Variants in APLF observed in about 807,000 individuals in gnomAD.
The protein encoded by APLF is aprataxin and PNK-like factor.
A neutral mutation model predicts 55.6 loss-of-function variants in APLF; 61 were observed. That is an observed-to-expected ratio of 1.10 (90% CI 0.89 to 1.36). The LOEUF is 1.36. Ranked by LOEUF, APLF falls within the 40% of genes most tolerant of loss-of-function variation. The pLI is 0.00. For missense variants in APLF, 611 were observed against 602.5 expected, an observed-to-expected ratio of 1.01 and a Z score of -0.15; for synonymous variants, 207 against 214.8, an observed-to-expected ratio of 0.96 and a Z score of 0.32.
rs773658306 is a variant in APLF at position 68,467,916 on chromosome 2, C to G, written c.96+89C>G. On this transcript the variant is annotated intron_variant, in intron 1 of 9. Transcript: ENST00000303795. ...ACCGGCCCTAGTCCTGGCCGGTTTCCCCACCGCACTGGTCCGCCGGTCCGG... is the reference window on the plus strand; with the variant it reads ...ACCGGCCCTAGTCCTGGCCGGTTTCGCCACCGCACTGGTCCGCCGGTCCGG... 1.7e-4 allele frequency: 174 copies of G among 1,012,168 alleles called. 1 individual carries two copies. The highest frequency in any genetic ancestry group is 1.9e-4 in the Non-Finnish European group (147 of 788,192). 62.7% of individuals were successfully genotyped at this position (1,012,168 alleles called of 1,614,324 possible). A position where few individuals can be genotyped will look rare whatever the true frequency, so the allele number is the denominator to read the frequency against.
chr2:68,546,001 G>C (rs1351024690), intron 8 of APLF, among the ~76,000 whole-genome samples: 1 of 152,102 alleles, frequency 6.6e-6, no homozygotes, highest in Non-Finnish European at 1.5e-5. Flanking sequence ...ATCTTTCTTA[G>C]ATAATTTTAA....
chr2:68,508,809 G>A (rs1326139050), intron 3 of APLF, among the ~76,000 whole-genome samples: 2 of 152,066 alleles, frequency 1.3e-5, no homozygotes, highest in African/African-American at 2.4e-5. Context: ...CACTCTACCT[G>A]ACTTCAAACT....
chr2:68,570,042 T>C (rs6721129), intron 9 of APLF, among the ~76,000 whole-genome samples: 16,959 of 152,040 alleles, frequency 0.11, 1,828 homozygotes, highest in African/African-American at 0.28. Flanking sequence ...CTCTTTAATT[T>C]CTGATTTGTA....
At chr2:68,500,331 G>A (rs1203905934) in intron 2 of APLF, among the ~76,000 whole-genome samples, 1 of 152,134 alleles carries the variant, frequency 6.6e-6, no homozygotes, top group Non-Finnish European at 1.5e-5. Context: ...ATACTCATGG[G>A]TTCACTTTCT....
chr2:68,543,212 A>G (rs1452172131), intron 7 of APLF, among the ~76,000 whole-genome samples: 1 of 152,174 alleles, frequency 6.6e-6, no homozygotes, highest in Non-Finnish European at 1.5e-5. Context: ...TTTAATGGGT[A>G]TAGAGTTTTC....
chr2:68,557,494 A>G (rs1671049030), intron 8 of APLF, among the ~76,000 whole-genome samples: 1 of 152,246 alleles, frequency 6.6e-6, no homozygotes, highest in African/African-American at 2.4e-5. Context: ...TGTGTTGTTT[A>G]GTATAAATCC....
chr2:68,519,582 G>C (rs972787575), intron 5 of APLF, among the ~76,000 whole-genome samples: 2 of 149,242 alleles, frequency 1.3e-5, no homozygotes, highest in African/African-American at 2.4e-5. Flanking sequence ...TCCCCACTAC[G>C]ATTCCCCATT....
chr2:68,502,608 A>C (rs974602832), intron 2 of APLF, 123 bp from the exon 3 acceptor site: 7 of 602,096 alleles, frequency 1.2e-5, no homozygotes, highest in East Asian at 3.6e-5. Flanking sequence ...TTTATGCTTA[A>C]ATTTTTTTGA....
intron 3 of APLF, among the ~76,000 whole-genome samples, chr2:68,512,753 G>A (rs1272820355): frequency 6.6e-6 from 1 of 151,732 alleles, no homozygotes; most frequent in Non-Finnish European, 1.5e-5. Flanking sequence ...TATCTCTCTA[G>A]AGGCTGGGTG....
intron 5 of APLF, among the ~76,000 whole-genome samples, chr2:68,519,050 A>G (rs1273954402): frequency 7.8e-6 from 1 of 127,940 alleles, no homozygotes; most frequent in South Asian, 2.2e-4. Context: ...ATAATAATAT[A>G]ATATATAATT....
intron 7 of APLF, among the ~76,000 whole-genome samples, chr2:68,544,403 T>G (rs1051970727): frequency 7.2e-5 from 11 of 152,312 alleles, no homozygotes; most frequent in African/African-American, 2.6e-4. Context: ...TGTTAATGAT[T>G]GAATGCAGAA....
At chr2:68,516,205 TCTGA>T (rs1480972919) in intron 5 of APLF, among the ~76,000 whole-genome samples, 1 of 151,662 alleles carries the variant, frequency 6.6e-6, no homozygotes. Context: ...GAGACCTAGC[TCTGA>T]CTAACTTTAA....
At chr2:68,526,907 C>T (rs371215937) in intron 6 of APLF, among the ~76,000 whole-genome samples, 13 of 152,190 alleles carry the variant, frequency 8.5e-5, no homozygotes, top group African/African-American at 3.1e-4. Flanking sequence ...GGAACGATCT[C>T]GATCTCCTTT....
intron 8 of APLF, among the ~76,000 whole-genome samples, chr2:68,556,643 C>G (rs1671023391): frequency 6.6e-6 from 1 of 152,190 alleles, no homozygotes; most frequent in Admixed American, 6.5e-5. Context: ...TGAATGGAGT[C>G]TATTTTCAAC....
At chr2:68,544,842 A>T (rs1055840343) in intron 7 of APLF, among the ~76,000 whole-genome samples, 11 of 152,136 alleles carry the variant, frequency 7.2e-5, no homozygotes, top group African/African-American at 2.7e-4. Flanking sequence ...ATTTTATTAA[A>T]AGTTTTGAAA....
chr2:68,564,423 C>G (rs1401995461), intron 8 of APLF, among the ~76,000 whole-genome samples: 1 of 151,998 alleles, frequency 6.6e-6, no homozygotes, highest in Non-Finnish European at 1.5e-5. Context: ...TTAATACTTG[C>G]ATTGTAGGAA....
intron 5 of APLF, among the ~76,000 whole-genome samples, chr2:68,518,988 T>TAATATATAATATATTATTAATATATAATA (rs1669790475): frequency 8.1e-6 from 1 of 123,104 alleles, no homozygotes; most frequent in Non-Finnish European, 1.6e-5. Flanking sequence ...TAATATACAA[T>TAATATATAATATATTATTAATATATAATA]ATCTGATAAT....
In APLF at chr2:68,473,224, T is replaced by A. The variant is rs953721771; in HGVS notation, c.96+5397T>A. ...CCTGGCAACTACTGAATTCTTTTACTTTCTCCATGGTTTTGCCTTTTTCAG... is the reference window on the plus strand; with the variant it reads ...CCTGGCAACTACTGAATTCTTTTACATTCTCCATGGTTTTGCCTTTTTCAG... On this transcript the variant is annotated intron_variant, in intron 1 of 9. Transcript: ENST00000303795. Among the ~76,000 whole-genome samples, 3 of 152,338 alleles carry A rather than the reference T, an allele frequency of 2.0e-5. No homozygotes were observed. The East Asian group carries it at 5.8e-4, about 29-fold the overall frequency.
chr2:68,528,861 A>G, intron 6 of APLF: 2 of 1,523,890 alleles, frequency 1.3e-6, no homozygotes, highest in Non-Finnish European at 1.8e-6. Flanking sequence ...CTGGGATTGT[A>G]CCAGGAGGAA....
Sources: gnomAD v4.1 joint callset for allele counts (sites outside exome capture counted in the v4.1 genomes callset) on GRCh38, gnomAD v4.1.1 for gene constraint, MANE v1.5 for transcripts, NCBI Gene and HGNC (gene_info 2026-07-23, HGNC 2026-07-21) for gene names.